Variants in LEPR observed in about 807,000 individuals in gnomAD.
LEPR encodes OB receptor.
In LEPR, 56 loss-of-function variants were observed where a neutral mutation model predicts 114.7. The ratio of observed to expected loss-of-function variants is 0.49; its 90% confidence interval spans 0.39 to 0.61. The LOEUF (loss-of-function observed/expected upper bound fraction) is 0.61. Among genes scored for constraint, LEPR ranks in the 20% least tolerant of loss-of-function variants. The pLI is 0.00. For missense variants in LEPR, 1,202 were observed against 1,352.9 expected (o/e 0.89, Z 1.75); for synonymous variants, 443 against 461.4 (o/e 0.96, Z 0.51).
At chr1:65,629,944 T>A (rs922371218) in intron 19 of LEPR, among the ~76,000 whole-genome samples, 3 of 152,156 alleles carry the variant, frequency 2.0e-5, no homozygotes, top group African/African-American at 7.2e-5. Flanking sequence ...CTTTCCTTCA[T>A]CTTTCTTAAC....
intron 11 of LEPR, 61 bp from the exon 12 acceptor site, chr1:65,608,692 G>A: frequency 6.5e-7 from 1 of 1,537,170 alleles, no homozygotes; most frequent in Non-Finnish European, 8.9e-7. Flanking sequence ...ATAACACAAT[G>A]TTTTTAGGCA....
At chr1:65,447,897 A>G (rs903880159) in intron 2 of LEPR, among the ~76,000 whole-genome samples, 1 of 152,152 alleles carries the variant, frequency 6.6e-6, no homozygotes, top group African/African-American at 2.4e-5. Flanking sequence ...TGCTCTAGTT[A>G]CTTATTAGTT....
In LEPR at chr1:65,601,939, C is replaced by T; in HGVS notation, c.1382C>T (p.Thr461Ile). 1 of 1,613,532 alleles carries T rather than the reference C, an allele frequency of 6.2e-7. No homozygotes were observed. Among genetic ancestry groups the T allele is most frequent in the Non-Finnish European group, 8.5e-7 (1 of 1,179,564 alleles). ...TSTIQSLAES[T>I]LQLRYHRSSL... ...ACAATCCAGTCACTTGCGGAAAGCA[C>T]TTTGCAATTGAGGTATCATAGGTAC... Residue 461 changes from threonine to isoleucine, a missense_variant, in exon 10 of 20, where the codon ACT (threonine) becomes ATT (isoleucine). Physicochemically the swap from Thr to Ile is moderately conservative, Grantham distance 89. Transcript: ENST00000349533.
chr1:65,577,800 T>G (rs1431281399), intron 5 of LEPR: 1 of 151,610 alleles, frequency 6.6e-6, no homozygotes, highest in Non-Finnish European at 1.5e-5. Context: ...TCCAGGCCCC[T>G]TGAGCACATT....
chr1:65,553,733 A>G (rs1329054643), intron 2 of LEPR, among the ~76,000 whole-genome samples: 1 of 151,950 alleles, frequency 6.6e-6, no homozygotes, highest in East Asian at 1.9e-4. Flanking sequence ...CATCAAACTC[A>G]TTCTGTTCCC....
Position 65,449,260 on chromosome 1 carries a change from C to CTTTTTTTTTTT in LEPR, c.-21+23890_-21+23900dup, listed in dbSNP as rs201429452. On this transcript the variant is annotated intron_variant, in intron 2 of 19. Coordinates refer to ENST00000349533, the MANE Select transcript of LEPR (RefSeq NM_002303.6). ...CTAGAGGCTTAGTGGTTTTATTTAT[C>CTTTTTTTTTTT]TTTTTTTTTTTTTTTTTTGCTGAGG... Among the ~76,000 whole-genome samples the CTTTTTTTTTTT allele has an allele frequency of 1.3e-3, 153 of 118,454 alleles. 1 individual carries two copies. Among genetic ancestry groups the CTTTTTTTTTTT allele is most frequent in the African/African-American group, 4.8e-3 (151 of 31,766 alleles). 77.7% of individuals were successfully genotyped at this position (118,454 alleles called of 152,430 possible). A position where few individuals can be genotyped will look rare whatever the true frequency, so the allele number is the denominator to read the frequency against.
intron 2 of LEPR, among the ~76,000 whole-genome samples, chr1:65,524,830 A>G (rs1219473911): frequency 6.6e-6 from 1 of 152,150 alleles, no homozygotes; most frequent in African/African-American, 2.4e-5. Flanking sequence ...TCTAAATTCA[A>G]GGAACTCTAT....
At chr1:65,509,162 A>G (rs888736748) in intron 2 of LEPR, among the ~76,000 whole-genome samples, 2 of 152,086 alleles carry the variant, frequency 1.3e-5, no homozygotes, top group Non-Finnish European at 2.9e-5. Context: ...TTTCTTTCCA[A>G]TTTGGATGCC....
chr1:65,591,367 T>C (rs10889567), intron 5 of LEPR, among the ~76,000 whole-genome samples: 76,415 of 151,910 alleles, frequency 0.5, 20,037 homozygotes, highest in East Asian at 0.87. Context: ...TTATCCTTAC[T>C]AATTTCTGTC....
intron 2 of LEPR, among the ~76,000 whole-genome samples, chr1:65,487,378 G>A (rs948301370): frequency 1.3e-5 from 2 of 152,066 alleles, no homozygotes; most frequent in African/African-American, 4.8e-5. Context: ...AGTGTGGAAA[G>A]AACATTTTGC....
intron 2 of LEPR, among the ~76,000 whole-genome samples, chr1:65,488,198 TTCTTTCTTTCTTTCTC>T (rs1267761352): frequency 4.1e-5 from 1 of 24,604 alleles, no homozygotes; most frequent in African/African-American, 1.9e-4. Context: ...CTTTCTTTCT[TTCTTTCTTTCTTTCTC>T]TCTCTCTCTC....
At chr1:65,503,475 G>A (rs1184650070) in intron 2 of LEPR, among the ~76,000 whole-genome samples, 1 of 152,074 alleles carries the variant, frequency 6.6e-6, no homozygotes, top group Non-Finnish European at 1.5e-5. Context: ...AGACTAAAGG[G>A]AAAAATAATT....
At chr1:65,623,234 C>T in intron 19 of LEPR, 1 of 381,496 alleles carries the variant, frequency 2.6e-6, no homozygotes, top group Non-Finnish European at 4.7e-6. Flanking sequence ...TGTCACAGTA[C>T]ATAATAAAAT....
rs148263809 is a variant in LEPR at position 65,576,092 on chromosome 1, G to A, written c.494+3643G>A. On this transcript the variant is annotated intron_variant, in intron 5 of 19. Transcript: ENST00000349533. ...ACACTTCACAGAGGAGGCAAAGCCCGACGAAGCACCATTTCTGCCACGGTG... is the reference window on the plus strand; with the variant it reads ...ACACTTCACAGAGGAGGCAAAGCCCAACGAAGCACCATTTCTGCCACGGTG... 2.7e-3 allele frequency: 419 copies of A among 155,940 alleles called. 22 individuals are homozygous for A. The highest frequency in any genetic ancestry group is 9.6e-3 in the African/African-American group (394 of 40,898). 9.7% of individuals were successfully genotyped at this position (155,940 alleles called of 1,614,324 possible). A position where few individuals can be genotyped will look rare whatever the true frequency, so the allele number is the denominator to read the frequency against.
chr1:65,553,519 C>T (rs1267815125), intron 2 of LEPR, among the ~76,000 whole-genome samples: 1 of 151,900 alleles, frequency 6.6e-6, no homozygotes, highest in Non-Finnish European at 1.5e-5. Flanking sequence ...CTATTGATAC[C>T]TGTGTATGCT....
At position 65,632,324 on chromosome 1, in the gene LEPR, A is replaced by G. The variant is rs115606451; in HGVS notation, c.2674-3867A>G. 4.5e-3 allele frequency among the ~76,000 whole-genome samples: 684 copies of G among 152,240 alleles called. 6 individuals carry two copies. The highest frequency in any genetic ancestry group is 0.016 in the African/African-American group (655 of 41,546). ...AGAAATGCACATTACTGGGCCTAGAAGTGTGTATTTCACTCCCCTAAAAAT... is the reference window on the plus strand; with the variant it reads ...AGAAATGCACATTACTGGGCCTAGAGGTGTGTATTTCACTCCCCTAAAAAT... On this transcript the variant is annotated intron_variant, in intron 19 of 19. Coordinates refer to ENST00000349533, the MANE Select transcript of LEPR (RefSeq NM_002303.6).
Position 65,633,264 on chromosome 1 carries a change from C to T in LEPR, c.2674-2927C>T, listed in dbSNP as rs756136816. On this transcript the variant is annotated intron_variant, in intron 19 of 19. Coordinates refer to ENST00000349533, the MANE Select transcript of LEPR (RefSeq NM_002303.6). This position sits in a 1 kb window ranked among gnomAD's most constrained non-coding sequence, Gnocchi z 4.1. The stretch of plus-strand genomic sequence containing the variant: ...ATTTTTACATTTTGAAGAAGGGGAG[C>T]AAATCTAAAAAAAATTCAGTTGAAC... The T allele has an allele frequency of 2.4e-5, 37 of 1,550,100 alleles. No homozygotes were observed. Among genetic ancestry groups the T allele is most frequent in the Non-Finnish European group, 3.2e-5 (37 of 1,152,942 alleles).
In LEPR at chr1:65,610,403, G is replaced by A. The variant is rs1033118018; in HGVS notation, c.1995+107G>A. 92 of 935,980 alleles carry A rather than the reference G, an allele frequency of 9.8e-5. No homozygotes were observed. In the Admixed American group the frequency reaches 2.2e-3, roughly 22 times the overall value. The allele number at this position is 935,980 out of a possible 1,614,324, so 58.0% of individuals were successfully genotyped here. A position where few individuals can be genotyped will look rare whatever the true frequency, so the allele number is the denominator to read the frequency against. On this transcript the variant is annotated intron_variant, in intron 14 of 19. Transcript: ENST00000349533. ...AATCTTCGGAAAGCTCAACAATCCTGTATTTTCATTGCATTTATGAGATGT... is the reference window on the plus strand; with the variant it reads ...AATCTTCGGAAAGCTCAACAATCCTATATTTTCATTGCATTTATGAGATGT...
At chr1:65,448,490 A>G (rs992729912) in intron 2 of LEPR, among the ~76,000 whole-genome samples, 2 of 152,104 alleles carry the variant, frequency 1.3e-5, no homozygotes, top group African/African-American at 4.8e-5. Flanking sequence ...CTTTTTATGT[A>G]ATGTCTTTGT....
Sources: allele counts gnomAD v4.1 joint callset (sites outside exome capture counted in the v4.1 genomes callset), GRCh38; gene constraint gnomAD v4.1.1; non-coding constraint Gnocchi (gnomAD v3.1); transcripts MANE v1.5; gene names NCBI Gene and HGNC (gene_info 2026-07-23, HGNC 2026-07-21).